The following KATNIP variants were observed in gnomAD, a reference collection of about 807,000 sequenced individuals.
KATNIP encodes katanin-interacting protein.
Under a neutral mutation model 174.0 loss-of-function variants are expected in KATNIP, and 126 were observed. The observed-to-expected ratio is 0.72, with a 90% CI of 0.63 to 0.84. The LOEUF (loss-of-function observed/expected upper bound fraction) is 0.84, where lower values mean the gene tolerates loss of function less well. Ranked by LOEUF, KATNIP falls within the 40% of genes least tolerant of loss-of-function variation. The probability of loss-of-function intolerance (pLI) is 0.00; values close to 1 mark genes in which losing one functional copy is unlikely to be tolerated. For synonymous variants in KATNIP, 810 were observed against 835.7 expected, an observed-to-expected ratio of 0.97 and a Z score of 0.53; for missense variants, 1,958 against 2,109.7, an observed-to-expected ratio of 0.93 and a Z score of 1.41.
chr16:27,730,623 C>A lies in KATNIP; in HGVS notation c.1743+8928C>A, dbSNP rs2080637211. Among the ~76,000 whole-genome samples, 6 of 152,348 alleles carry A rather than the reference C, an allele frequency of 3.9e-5. No individual in the cohort carries two copies. In the South Asian group the frequency reaches 1.2e-3, roughly 32 times the overall value. ...CTGGAATACCTGACCCGTCTTGTTACAAACCTGCCTTTCAAAACATTGAGG... is the reference window on the plus strand; with the variant it reads ...CTGGAATACCTGACCCGTCTTGTTAAAAACCTGCCTTTCAAAACATTGAGG... On this transcript the variant is annotated intron_variant, in intron 14 of 27. Coordinates refer to ENST00000261588, the MANE Select transcript of KATNIP (RefSeq NM_015202.5).
At chr16:27,565,894 C>G (rs1284556586) in intron 1 of KATNIP, among the ~76,000 whole-genome samples, 1 of 151,374 alleles carries the variant, frequency 6.6e-6, no homozygotes, top group Non-Finnish European at 1.5e-5. Context: ...ATTTTTTTAG[C>G]CTGTACAGAG....
intron 6 of KATNIP, among the ~76,000 whole-genome samples, chr16:27,653,066 C>T (rs1272371966): frequency 6.6e-6 from 1 of 151,988 alleles, no homozygotes; most frequent in East Asian, 1.9e-4. Flanking sequence ...TCCCACTGCC[C>T]CAGAGATAAT....
At chr16:27,750,355 C>T in intron 16 of KATNIP, 49 bp downstream of exon 16, 2 of 1,554,048 alleles carry the variant, frequency 1.3e-6, no homozygotes, top group Non-Finnish European at 8.7e-7. Flanking sequence ...CTGTGACTTG[C>T]TGAGAGTCTA....
intron 2 of KATNIP, among the ~76,000 whole-genome samples, chr16:27,580,695 C>T (rs1477680963): frequency 8.3e-6 from 1 of 121,174 alleles, no homozygotes; most frequent in African/African-American, 3.1e-5. Context: ...TTGTTTTCTT[C>T]TTGATTTTTT....
intron 21 of KATNIP, 102 bp downstream of exon 21, chr16:27,770,120 G>T (rs1480346580): frequency 3.0e-6 from 4 of 1,311,646 alleles, no homozygotes; most frequent in African/African-American, 2.9e-5. Flanking sequence ...TTGAAACGAT[G>T]ATCAAACGCA....
At chr16:27,648,989 C>A (rs1048363166) in intron 6 of KATNIP, among the ~76,000 whole-genome samples, 3 of 152,028 alleles carry the variant, frequency 2.0e-5, no homozygotes, top group Admixed American at 1.3e-4. Context: ...GCACATAGTC[C>A]CTGTACAGGG....
At chr16:27,694,572 G>T (rs909606155) in intron 8 of KATNIP, among the ~76,000 whole-genome samples, 2 of 152,018 alleles carry the variant, frequency 1.3e-5, no homozygotes, top group Non-Finnish European at 2.9e-5. Context: ...GAGGTGGGTG[G>T]ATCACTTGAG....
intron 6 of KATNIP, among the ~76,000 whole-genome samples, chr16:27,651,681 A>G (rs1373201694): frequency 6.6e-6 from 1 of 152,060 alleles, no homozygotes; most frequent in Admixed American, 6.6e-5. Context: ...TGACTTGTAC[A>G]TTGCTTTTAA....
At chr16:27,623,171 G>A (rs926434538) in intron 3 of KATNIP, among the ~76,000 whole-genome samples, 1 of 152,192 alleles carries the variant, frequency 6.6e-6, no homozygotes, top group African/African-American at 2.4e-5. Context: ...CTTGCTCAGA[G>A]CCTCTGTGAT....
intron 2 of KATNIP, among the ~76,000 whole-genome samples, chr16:27,585,230 A>C (rs2090849692): frequency 6.6e-6 from 1 of 152,212 alleles, no homozygotes; most frequent in Non-Finnish European, 1.5e-5. Flanking sequence ...CTACAATGAG[A>C]TATCATCTCA....
chr16:27,667,451 A>G (rs1031559366), intron 6 of KATNIP, among the ~76,000 whole-genome samples: 1 of 152,222 alleles, frequency 6.6e-6, no homozygotes, highest in African/African-American at 2.4e-5. Flanking sequence ...AATGCCTCAT[A>G]TAGTACAAGA....
rs368886285 is a variant in KATNIP, at chr16:27,769,847, C to A, written c.3976-14C>A. 6.2e-6 allele frequency: 10 copies of A among 1,611,986 alleles called. No homozygotes were observed. The highest frequency in any genetic ancestry group is 7.6e-6 in the Non-Finnish European group (9 of 1,178,324). Reference sequence around the variant, plus strand: ...CTGCCTCCCTTCAGTCATGTTATTTCTTTTGTTTGCCAGGCCAAGATTGTC... The same window carrying A: ...CTGCCTCCCTTCAGTCATGTTATTTATTTTGTTTGCCAGGCCAAGATTGTC... On this transcript the variant is annotated splice_polypyrimidine_tract_variant and intron_variant, in intron 20 of 27. Transcript: ENST00000261588.
intron 2 of KATNIP, among the ~76,000 whole-genome samples, chr16:27,604,989 C>T (rs1229518070): frequency 6.6e-6 from 1 of 152,154 alleles, no homozygotes; most frequent in Non-Finnish European, 1.5e-5. Flanking sequence ...AGTGCAGTGG[C>T]GTGATCTCGG....
intron 6 of KATNIP, among the ~76,000 whole-genome samples, chr16:27,669,024 G>T (rs2077791772): frequency 6.6e-6 from 1 of 152,060 alleles, no homozygotes; most frequent in Non-Finnish European, 1.5e-5. Flanking sequence ...AAAAGAAAAA[G>T]AAATGAGATA....
intron 6 of KATNIP, among the ~76,000 whole-genome samples, chr16:27,655,278 G>C (rs2077243474): frequency 7.1e-6 from 1 of 140,918 alleles, no homozygotes. Context: ...CTGTCTCCCA[G>C]GCTAGAATAC....
At chr16:27,560,239 G>A (rs1171799997) in intron 1 of KATNIP, among the ~76,000 whole-genome samples, 3 of 143,424 alleles carry the variant, frequency 2.1e-5, no homozygotes, top group East Asian at 2.1e-4. Context: ...CTGAGATCGC[G>A]CCACTGCAGT....
intron 17 of KATNIP, among the ~76,000 whole-genome samples, chr16:27,753,636 C>G (rs2081601592): frequency 6.6e-6 from 1 of 152,120 alleles, no homozygotes; most frequent in Non-Finnish European, 1.5e-5. Context: ...ATGTCTGGGC[C>G]CCACCCCTAG....
At chr16:27,648,537 TC>T (rs2077028566) in intron 5 of KATNIP, 66 bp from the exon 6 acceptor site, 1 of 1,586,700 alleles carries the variant, frequency 6.3e-7, no homozygotes, top group South Asian at 1.1e-5. Flanking sequence ...CCAGTGCCAG[TC>T]CCTGCCCCGC....
At chr16:27,697,757 C>T (rs2078965330) in intron 8 of KATNIP, among the ~76,000 whole-genome samples, 1 of 151,892 alleles carries the variant, frequency 6.6e-6, no homozygotes, top group Non-Finnish European at 1.5e-5. Context: ...GATGAAGTTG[C>T]AGACATCATT....
Sources: allele counts gnomAD v4.1 joint callset (sites outside exome capture counted in the v4.1 genomes callset), GRCh38; gene constraint gnomAD v4.1.1; transcripts MANE v1.5; gene names NCBI Gene and HGNC (gene_info 2026-07-23, HGNC 2026-07-21).